ADGRB1: variants seen among roughly 807,000 people sequenced by gnomAD.
ADGRB1 encodes brain-specific angiogenesis inhibitor 1.
Under a neutral mutation model 175.7 loss-of-function variants are expected in ADGRB1, and 36 were observed. That is an observed-to-expected ratio of 0.20 (90% confidence interval 0.16 to 0.27). ADGRB1 has a LOEUF of 0.27. Ranked by LOEUF, ADGRB1 falls within the 10% of genes least tolerant of loss-of-function variation. The probability of loss-of-function intolerance (pLI) is 1.00; values close to 1 mark genes in which losing one functional copy is unlikely to be tolerated. For synonymous variants in ADGRB1, 1,054 were observed against 979.4 expected, an observed-to-expected ratio of 1.08 and a Z score of -1.42; for missense variants, 1,731 against 2,255.3, an observed-to-expected ratio of 0.77 and a Z score of 4.71.
chr8:142,457,302 G>C (rs1839735101), intron 1 of ADGRB1, among the ~76,000 whole-genome samples: 1 of 152,220 alleles, frequency 6.6e-6, no homozygotes. Context: ...CTGCAGGTGG[G>C]GGGTCAGATG....
At chr8:142,452,193 C>A (rs1484088067) in intron 1 of ADGRB1, among the ~76,000 whole-genome samples, 2 of 152,200 alleles carry the variant, frequency 1.3e-5, no homozygotes, top group African/African-American at 4.8e-5. Flanking sequence ...ACTTGTTGCG[C>A]CTCGATCTGG....
chr8:142,531,063 T>A (rs898108950), intron 24 of ADGRB1, among the ~76,000 whole-genome samples: 26 of 152,220 alleles, frequency 1.7e-4, no homozygotes, highest in African/African-American at 5.8e-4. Flanking sequence ...CTGTATCCCC[T>A]GACGGGCAGC....
At chr8:142,498,404 A>T (rs1842327482) in intron 17 of ADGRB1, among the ~76,000 whole-genome samples, 1 of 151,716 alleles carries the variant, frequency 6.6e-6, no homozygotes, top group South Asian at 2.1e-4. Flanking sequence ...TGGCTCACAC[A>T]CTCAGGCTGC....
At chr8:142,490,862 C>T (rs1841947506) in intron 17 of ADGRB1, 47 bp downstream of exon 17, 7 of 1,551,318 alleles carry the variant, frequency 4.5e-6, no homozygotes, top group African/African-American at 1.4e-5. Flanking sequence ...GGGTGGGGTT[C>T]GTGGGAGGCT....
chr8:142,453,013 C>T (rs1045383379), intron 1 of ADGRB1, among the ~76,000 whole-genome samples: 43 of 145,942 alleles, frequency 2.9e-4, no homozygotes, highest in Non-Finnish European at 5.7e-4. Context: ...CAGCCCCGGC[C>T]GCCACCTCCC....
At position 142,464,514 on chromosome 8, in the gene ADGRB1, T is replaced by G. The variant is rs1840146978; in HGVS notation, c.316T>G (p.Ser106Ala). 11 of 1,578,008 alleles carry G rather than the reference T, an allele frequency of 7.0e-6. No individual in the cohort carries two copies. The highest frequency in any genetic ancestry group is 9.4e-6 in the Non-Finnish European group (11 of 1,165,552). ...CCGCGTGCGCACCTACCAGTTCGACTCCTTCCTCGAGTCCACGCGCACCTA... is the reference window on the plus strand; with the variant it reads ...CCGCGTGCGCACCTACCAGTTCGACGCCTTCCTCGAGTCCACGCGCACCTA... ...PGRVRTYQFD[S>A]FLESTRTYLG... The change falls in exon 2 of 31, where the codon TCC (serine) becomes GCC (alanine). Residue 106 changes from serine to alanine, a missense_variant. Ser to Ala is a moderately conservative substitution (Grantham distance 99). Coordinates refer to ENST00000517894, the MANE Select transcript of ADGRB1 (RefSeq NM_001702.3).
chr8:142,489,196 C>T, intron 15 of ADGRB1, 86 bp downstream of exon 15: 1 of 1,548,218 alleles, frequency 6.5e-7, no homozygotes. Flanking sequence ...AGGGGGAGGC[C>T]AGGGGGCCTG....
intron 24 of ADGRB1, among the ~76,000 whole-genome samples, chr8:142,528,820 C>T (rs1844405294): frequency 6.6e-6 from 1 of 152,374 alleles, no homozygotes; most frequent in Admixed American, 6.5e-5. Context: ...CTTCCATCCT[C>T]CCCACAGGCC....
Position 142,464,349 on chromosome 8 carries a change from T to A in ADGRB1, c.151T>A (p.Phe51Ile). 1 of 1,514,364 alleles carries A rather than the reference T, an allele frequency of 6.6e-7. No homozygotes were observed. Among genetic ancestry groups the A allele is most frequent in the Non-Finnish European group, 8.8e-7 (1 of 1,136,456 alleles). The allele number at this position is 1,514,364 out of a possible 1,614,324, so 93.8% of individuals were successfully genotyped here. A position where few individuals can be genotyped will look rare whatever the true frequency, so the allele number is the denominator to read the frequency against. Reference sequence around the variant, plus strand: ...GTGCGCCACGCTGGTGCAGGGAAAGTTCTTCGGCTACTTCTCCGCGGCCGC... The same window carrying A: ...GTGCGCCACGCTGGTGCAGGGAAAGATCTTCGGCTACTTCTCCGCGGCCGC... ...EPCATLVQGK[F>I]FGYFSAAAVF... is the part of the protein sequence containing the mutation. The change falls in exon 2 of 31, where the codon TTC (phenylalanine) becomes ATC (isoleucine). Residue 51 changes from phenylalanine (F) to isoleucine (I), a missense_variant. By Grantham distance (21) the Phe-to-Ile change is conservative (BLOSUM62 0). This residue lies in a region of ADGRB1 where 383 missense variants were observed against 383.1 expected (regional missense o/e 1.00). Transcript: ENST00000517894.
chr8:142,450,305 GGC>G (rs1185891444), intron 1 of ADGRB1, among the ~76,000 whole-genome samples: 18 of 151,798 alleles, frequency 1.2e-4, no homozygotes, highest in African/African-American at 4.1e-4. Context: ...CTCCAGCGGT[GGC>G]GATGGAATGT....
At position 142,479,758 on chromosome 8, in the gene ADGRB1, G is replaced by C; in HGVS notation, c.1792G>C (p.Glu598Gln). The C allele has an allele frequency of 1.2e-6, 2 of 1,613,638 alleles. No individual in the cohort carries two copies. Among genetic ancestry groups the C allele is most frequent in the Non-Finnish European group, 1.7e-6 (2 of 1,179,674 alleles). Residue 598 changes from glutamate (E) to glutamine (Q), a missense_variant, in exon 9 of 31, where the codon GAG (glutamate) becomes CAG (glutamine). By Grantham distance (29) the Glu-to-Gln change is conservative. Coordinates refer to ENST00000517894, the MANE Select transcript of ADGRB1 (RefSeq NM_001702.3). ...GATCTGGAAGGAGACCCCAGCGGGA[G>C]AGGTGGCTGCTGTCCGGTGTCCCCG... is the stretch of plus-strand genomic sequence containing the variant. ...AVIWKETPAG[E>Q]VAAVRCPRNA...
At chr8:142,503,900 C>G (rs954649154) in intron 17 of ADGRB1, among the ~76,000 whole-genome samples, 1 of 152,236 alleles carries the variant, frequency 6.6e-6, no homozygotes, top group East Asian at 1.9e-4. Context: ...CATCTTGCAT[C>G]GTGAGGAACA....
At chr8:142,477,686 A>G in intron 6 of ADGRB1, 137 bp downstream of exon 6, 1 of 1,232,504 alleles carries the variant, frequency 8.1e-7, no homozygotes, top group Non-Finnish European at 1.1e-6. Context: ...GGAACCTCAG[A>G]CTGGGTTTAG....
intron 17 of ADGRB1, among the ~76,000 whole-genome samples, chr8:142,501,758 A>G (rs111161538): frequency 0.31 from 3,214 of 10,462 alleles, 90 homozygotes; most frequent in African/African-American, 0.33. Flanking sequence ...CGGTGATGGC[A>G]ATGGTGGGGT....
intron 27 of ADGRB1, 64 bp from the exon 28 acceptor site, chr8:142,541,877 G>GA (rs1466557984): frequency 6.9e-7 from 1 of 1,453,360 alleles, no homozygotes; most frequent in Non-Finnish European, 9.2e-7. Flanking sequence ...CTCCTGCTGG[G>GA]GACTGTCCTA....
chr8:142,474,549 G>A lies in ADGRB1; in HGVS notation c.785-925G>A, dbSNP rs141793149. On this transcript the variant is annotated intron_variant, in intron 2 of 30. Coordinates refer to ENST00000517894, the MANE Select transcript of ADGRB1 (RefSeq NM_001702.3). The surrounding 1 kb of genome is among the most constrained non-coding windows in gnomAD (Gnocchi z 5.8). ...TGCTGCCCCTCTCTGGCCCACAGAT[G>A]GCAGTGGCCCTCTCCTGCTTTGTGC... is the stretch of plus-strand genomic sequence containing the variant. 1.1e-3 allele frequency among the ~76,000 whole-genome samples: 170 copies of A among 152,278 alleles called. 1 individual carries two copies. Among genetic ancestry groups the A allele is most frequent in the Non-Finnish European group, 2.2e-3 (147 of 68,012 alleles).
At chr8:142,475,762 G>C in intron 3 of ADGRB1, 127 bp downstream of exon 3, 1 of 804,070 alleles carries the variant, frequency 1.2e-6, no homozygotes, top group Non-Finnish European at 1.6e-6. Flanking sequence ...AGCAGAAGGG[G>C]CCGGTGGAGG....
At position 142,541,440 on chromosome 8, in the gene ADGRB1, AAGGGCCGTGACAGAGGGCC is replaced by A. The variant is rs1180266830; in HGVS notation, c.3707-494_3707-476del. ...CAGGCCCCAGGGGCAGCGATGCAGG[AAGGGCCGTGACAGAGGGCC>A]AGGGCCTCGTGGCTGCACTCAGCAC... On this transcript the variant is annotated intron_variant, in intron 27 of 30. Transcript: ENST00000517894. Among the ~76,000 whole-genome samples, 4 of 152,236 alleles carry A rather than the reference AAGGGCCGTGACAGAGGGCC, an allele frequency of 2.6e-5. No homozygotes were observed. The East Asian group carries it at 7.7e-4, about 29-fold the overall frequency.
chr8:142,540,854 T>C (rs1448999734), intron 27 of ADGRB1, among the ~76,000 whole-genome samples: 1 of 151,742 alleles, frequency 6.6e-6, no homozygotes, highest in African/African-American at 2.4e-5. Context: ...CACAGGGTGT[T>C]GCTGTCCAGA....
Sources: gnomAD v4.1 joint callset for allele counts (sites outside exome capture counted in the v4.1 genomes callset) on GRCh38, gnomAD v4.1.1 for gene constraint, gnomAD v4.1.1 regional missense constraint, Gnocchi (gnomAD v3.1) non-coding constraint, MANE v1.5 for transcripts, NCBI Gene and HGNC (gene_info 2026-07-23, HGNC 2026-07-21) for gene names.